Variants in KCNQ5 observed in about 807,000 individuals in gnomAD.
KCNQ5 encodes potassium voltage-gated channel subfamily Q member 5.
KCNQ5 carries 30 observed loss-of-function variants against 98.2 expected under a neutral mutation model. The observed-to-expected ratio is 0.31, with a 90% CI of 0.23 to 0.41. KCNQ5 has a LOEUF of 0.41. Ranked by LOEUF, KCNQ5 falls within the 10% of genes least tolerant of loss-of-function variation. The pLI is 1.00. For synonymous variants in KCNQ5, 458 were observed against 449.4 expected (o/e 1.02, Z -0.24); for missense variants, 835 against 1,182.5 (o/e 0.71, Z 4.31).
intron 1 of KCNQ5, among the ~76,000 whole-genome samples, chr6:72,964,141 G>C (rs1311687482): frequency 1.3e-5 from 2 of 152,160 alleles, no homozygotes; most frequent in Non-Finnish European, 2.9e-5. Flanking sequence ...TAGTTCTCAA[G>C]CCAGTGAGTT....
chr6:72,728,610 T>C (rs1770403444), intron 1 of KCNQ5, among the ~76,000 whole-genome samples: 1 of 152,252 alleles, frequency 6.6e-6, no homozygotes, highest in South Asian at 2.1e-4. Flanking sequence ...CTTCCTATTC[T>C]GGAAGAAGGT....
chr6:73,107,205 T>G (rs934461021), intron 6 of KCNQ5, among the ~76,000 whole-genome samples: 1 of 152,200 alleles, frequency 6.6e-6, no homozygotes, highest in South Asian at 2.1e-4. Context: ...AGTGAAAAAC[T>G]ATGAACAAGG....
chr6:72,812,031 G>A lies in KCNQ5; in HGVS notation c.398+189444G>A, dbSNP rs762602291. 7.2e-5 allele frequency among the ~76,000 whole-genome samples: 11 copies of A among 152,134 alleles called. No homozygotes were observed. In the South Asian group the frequency reaches 1.0e-3, roughly 14 times the overall value. ...AGACCATATAGGGTGACTTCCTGAC[G>A]TTGCCATGGTATTTGTAAACGGTCA... On this transcript the variant is annotated intron_variant, in intron 1 of 13. Coordinates refer to ENST00000370398, the MANE Select transcript of KCNQ5 (RefSeq NM_019842.4).
chr6:72,967,421 T>C (rs751344325), intron 1 of KCNQ5, among the ~76,000 whole-genome samples: 1 of 152,182 alleles, frequency 6.6e-6, no homozygotes, highest in Non-Finnish European at 1.5e-5. Flanking sequence ...AATAAATCAG[T>C]GAGGAAAATG....
intron 1 of KCNQ5, among the ~76,000 whole-genome samples, chr6:72,695,613 T>G (rs1388921274): frequency 6.6e-6 from 1 of 152,202 alleles, no homozygotes; most frequent in Non-Finnish European, 1.5e-5. Context: ...TAGCTATGCA[T>G]GACTGTGTTT....
intron 2 of KCNQ5, among the ~76,000 whole-genome samples, chr6:73,032,160 C>G (rs1771180641): frequency 6.6e-6 from 1 of 152,174 alleles, no homozygotes; most frequent in South Asian, 2.1e-4. Context: ...GTCAGGATAG[C>G]TCTCTAAATA....
intron 1 of KCNQ5, among the ~76,000 whole-genome samples, chr6:72,806,227 C>T (rs1177171660): frequency 2.6e-5 from 4 of 151,996 alleles, no homozygotes; most frequent in Non-Finnish European, 2.9e-5. Flanking sequence ...AATTTCTTAA[C>T]GATATATATA....
intron 1 of KCNQ5, among the ~76,000 whole-genome samples, chr6:72,646,275 A>G (rs2154472214): frequency 6.6e-6 from 1 of 152,156 alleles, no homozygotes; most frequent in East Asian, 1.9e-4. Context: ...ATATAATGAA[A>G]CTGTGAAAAA....
intron 1 of KCNQ5, among the ~76,000 whole-genome samples, chr6:72,813,451 A>G (rs1038549266): frequency 1.3e-5 from 2 of 152,228 alleles, no homozygotes; most frequent in Non-Finnish European, 2.9e-5. Flanking sequence ...GTTTGTTAGC[A>G]TGTTACACAC....
At chr6:72,755,752 T>C (rs1159980768) in intron 1 of KCNQ5, among the ~76,000 whole-genome samples, 1 of 152,244 alleles carries the variant, frequency 6.6e-6, no homozygotes, top group East Asian at 1.9e-4. Context: ...AAAAATAATT[T>C]TTAAAAATAT....
At chr6:72,657,220 A>G (rs1401161442) in intron 1 of KCNQ5, among the ~76,000 whole-genome samples, 1 of 152,200 alleles carries the variant, frequency 6.6e-6, no homozygotes, top group Non-Finnish European at 1.5e-5. Flanking sequence ...TAAAACTAAA[A>G]TAAATGGAAA....
intron 1 of KCNQ5, among the ~76,000 whole-genome samples, chr6:72,931,080 T>C (rs1333772567): frequency 6.6e-6 from 1 of 152,172 alleles, no homozygotes; most frequent in Non-Finnish European, 1.5e-5. Context: ...ATTAGATATT[T>C]GTCTGGTCCT....
At position 73,157,701 on chromosome 6, in the gene KCNQ5, C is replaced by T. The variant is rs149292081; in HGVS notation, c.1469-12045C>T. On this transcript the variant is annotated intron_variant, in intron 10 of 13. Transcript: ENST00000370398. ...GGGCCCAGGCCTCTGGGCATGCAGG[C>T]ATCAGAGCAGCCCCCATCAGGTCAT... 1,105 of 776,216 alleles carry T rather than the reference C, an allele frequency of 1.4e-3. 8 individuals carry two copies. In the African/African-American group the frequency reaches 0.016, roughly 11 times the overall value. 48.1% of individuals were successfully genotyped at this position (776,216 alleles called of 1,614,324 possible). A position where few individuals can be genotyped will look rare whatever the true frequency, so the allele number is the denominator to read the frequency against.
intron 10 of KCNQ5, among the ~76,000 whole-genome samples, chr6:73,145,888 G>C (rs758563405): frequency 2.4e-4 from 37 of 152,152 alleles, no homozygotes; most frequent in Non-Finnish European, 4.3e-4. Flanking sequence ...AAGAGCGAAA[G>C]GGAAGGAAGC....
intron 2 of KCNQ5, among the ~76,000 whole-genome samples, chr6:73,025,707 A>G (rs1770850849): frequency 6.6e-6 from 1 of 151,646 alleles, no homozygotes; most frequent in African/African-American, 2.4e-5. Context: ...AAAGTATATA[A>G]AAATCAAATA....
At chr6:73,050,562 T>G (rs532562667) in intron 3 of KCNQ5, among the ~76,000 whole-genome samples, 8 of 152,276 alleles carry the variant, frequency 5.3e-5, no homozygotes, top group Admixed American at 5.2e-4. Flanking sequence ...CTATTAGCTA[T>G]AGTCTTTATT....
intron 10 of KCNQ5, among the ~76,000 whole-genome samples, chr6:73,168,616 T>C (rs998602219): frequency 7.2e-5 from 11 of 151,962 alleles, no homozygotes; most frequent in Admixed American, 5.2e-4. Flanking sequence ...GGCATGAGAA[T>C]TGCTTGAACC....
At chr6:73,050,025 C>CA (rs559138164) in intron 3 of KCNQ5, among the ~76,000 whole-genome samples, 146 of 151,000 alleles carry the variant, frequency 9.7e-4, no homozygotes, top group East Asian at 1.4e-3. Context: ...CCTATCTCTA[C>CA]AAAAAAAACA....
intron 1 of KCNQ5, among the ~76,000 whole-genome samples, chr6:72,736,506 T>TTTTTTTTTC: frequency 7.4e-6 from 1 of 135,780 alleles, no homozygotes. Context: ...AGATTTCTTT[T>TTTTTTTTTC]TTTTTTTTTT....
Sources: gnomAD v4.1 joint callset for allele counts (sites outside exome capture counted in the v4.1 genomes callset) on GRCh38, gnomAD v4.1.1 for gene constraint, MANE v1.5 for transcripts, NCBI Gene and HGNC (gene_info 2026-07-23, HGNC 2026-07-21) for gene names.